The following TP63 variants were observed in gnomAD, a reference collection of about 807,000 sequenced individuals.
TP63 encodes tumor protein 63.
TP63 carries 17 observed loss-of-function variants against 82.8 expected under a neutral mutation model. The observed-to-expected ratio is 0.21, with a 90% confidence interval of 0.14 to 0.31. The LOEUF (loss-of-function observed/expected upper bound fraction) is 0.31, where lower values mean the gene tolerates loss of function less well. Among genes scored for constraint, TP63 ranks in the 10% least tolerant of loss-of-function variants. The pLI, the probability that TP63 is intolerant of heterozygous loss-of-function variation, is 1.00. For synonymous variants in TP63, 330 were observed against 321.7 expected, an observed-to-expected ratio of 1.03 and a Z score of -0.28; for missense variants, 648 against 895.3, an observed-to-expected ratio of 0.72 and a Z score of 3.52.
intron 3 of TP63, among the ~76,000 whole-genome samples, chr3:189,761,286 C>G (rs1245306703): frequency 6.6e-6 from 1 of 152,120 alleles, no homozygotes; most frequent in Non-Finnish European, 1.5e-5. Flanking sequence ...TGTGCTGTTT[C>G]CCTTTTGAAA....
At chr3:189,870,922 G>C (rs1718345615) in intron 9 of TP63, among the ~76,000 whole-genome samples, 1 of 152,076 alleles carries the variant, frequency 6.6e-6, no homozygotes, top group South Asian at 2.1e-4. Context: ...CATCTTCTTT[G>C]GGTCCTGACT....
intron 11 of TP63, among the ~76,000 whole-genome samples, chr3:189,888,058 A>G (rs571590582): frequency 6.6e-6 from 1 of 151,834 alleles, no homozygotes; most frequent in African/African-American, 2.4e-5. Flanking sequence ...GGTTTTCACC[A>G]TGTTGGCCAG....
At chr3:189,873,167 C>A in intron 10 of TP63, 172 bp downstream of exon 10, 1 of 867,666 alleles carries the variant, frequency 1.2e-6, no homozygotes, top group Non-Finnish European at 1.9e-6. Flanking sequence ...TTTTACGTGT[C>A]TTATTATAAC....
intron 1 of TP63, 33 bp downstream of exon 1, chr3:189,631,610 A>C: frequency 6.2e-7 from 1 of 1,612,288 alleles, no homozygotes; most frequent in Non-Finnish European, 8.5e-7. Flanking sequence ...TTCTCTCAAA[A>C]CTTAATTGAA....
chr3:189,762,940 A>T (rs1577367864), intron 3 of TP63, among the ~76,000 whole-genome samples: 2 of 152,336 alleles, frequency 1.3e-5, no homozygotes, highest in South Asian at 4.1e-4. Flanking sequence ...ATAAATGGGC[A>T]TCCATCATTG....
intron 1 of TP63, among the ~76,000 whole-genome samples, chr3:189,734,171 C>CTTTT (rs57302272): frequency 1.2e-5 from 1 of 84,642 alleles, no homozygotes; most frequent in Non-Finnish European, 2.4e-5. Flanking sequence ...TCCCTCCCTT[C>CTTTT]TTTTTTTTTT....
Position 189,831,818 on chromosome 3 carries a change from C to CTT in TP63, c.579+23320_579+23321dup, listed in dbSNP as rs1156431272. ...GATGTGCCATGAAAGCTATTATGCT[C>CTT]TTTTTTTTTTTTTTTTTTTTTTTTT... On this transcript the variant is annotated intron_variant, in intron 4 of 13. Coordinates refer to ENST00000264731, the MANE Select transcript of TP63 (RefSeq NM_003722.5). Among the ~76,000 whole-genome samples, 136 of 73,202 alleles carry CTT rather than the reference C, an allele frequency of 1.9e-3. 13 individuals are homozygous for CTT. Among genetic ancestry groups the CTT allele is most frequent in the African/African-American group, 2.7e-3 (42 of 15,744 alleles). 48.0% of individuals were successfully genotyped at this position (73,202 alleles called of 152,430 possible).
At chr3:189,647,137 T>C (rs762823235) in intron 1 of TP63, among the ~76,000 whole-genome samples, 2 of 146,878 alleles carry the variant, frequency 1.4e-5, no homozygotes, top group African/African-American at 5.1e-5. Context: ...CCTTAACAAA[T>C]AGACATCAGT....
rs557685705 is a variant in TP63, at chr3:189,731,068, C to T, written c.63-6672C>T. Among the ~76,000 whole-genome samples, 6 of 152,298 alleles carry T rather than the reference C, an allele frequency of 3.9e-5. No homozygotes were observed. In the East Asian group the frequency reaches 5.8e-4, roughly 15 times the overall value. Reference sequence around the variant, plus strand: ...CTATAGATAAAGACTTAGCACCAGGCGCTCTGGCTCACGCCTGTAATCCCA... The same window carrying T: ...CTATAGATAAAGACTTAGCACCAGGTGCTCTGGCTCACGCCTGTAATCCCA... On this transcript the variant is annotated intron_variant, in intron 1 of 13. Coordinates refer to ENST00000264731, the MANE Select transcript of TP63 (RefSeq NM_003722.5).
intron 13 of TP63, among the ~76,000 whole-genome samples, chr3:189,892,593 C>T (rs1338220233): frequency 6.6e-6 from 1 of 152,012 alleles, no homozygotes; most frequent in Non-Finnish European, 1.5e-5. Context: ...GAGACCGAGA[C>T]CATCCTGGCT....
At position 189,864,345 on chromosome 3, in the gene TP63, C is replaced by CA. The variant is rs1560274255; in HGVS notation, c.699dup (p.Ala234SerfsTer2). ...CTGTTATCCGCGCCATGCCTGTCTACAAAAAAGCTGAGCACGTCACGGAGG... is the reference window on the plus strand; with the variant it reads ...CTGTTATCCGCGCCATGCCTGTCTACAAAAAAAGCTGAGCACGTCACGGAGG... On this transcript the variant is annotated frameshift_variant, in exon 5 of 14. Coordinates refer to ENST00000264731, the MANE Select transcript of TP63 (RefSeq NM_003722.5). LOFTEE classifies it high-confidence loss of function. 1 of 1,613,950 alleles carries CA rather than the reference C, an allele frequency of 6.2e-7. No individual in the cohort carries two copies. Among genetic ancestry groups the CA allele is most frequent in the Non-Finnish European group, 8.5e-7 (1 of 1,180,012 alleles).
chr3:189,668,658 G>T (rs1050391838), intron 1 of TP63, among the ~76,000 whole-genome samples: 2 of 152,074 alleles, frequency 1.3e-5, no homozygotes, highest in Non-Finnish European at 2.9e-5. Flanking sequence ...AAGGATCTTA[G>T]CAAATGTTTA....
intron 1 of TP63, among the ~76,000 whole-genome samples, chr3:189,728,941 G>T (rs1240321966): frequency 6.6e-6 from 1 of 152,126 alleles, no homozygotes; most frequent in Non-Finnish European, 1.5e-5. Flanking sequence ...ATATCAGCTA[G>T]CTAAACAATT....
chr3:189,753,347 G>A (rs1467531078), intron 3 of TP63, among the ~76,000 whole-genome samples: 2 of 151,988 alleles, frequency 1.3e-5, no homozygotes, highest in African/African-American at 2.4e-5. Context: ...TCATATTTAA[G>A]ATTGTTAAGA....
At chr3:189,597,291 A>G in the TP63 span, among the ~76,000 whole-genome samples, 1 of 152,228 alleles carries the variant, frequency 6.6e-6, no homozygotes, top group African/African-American at 2.4e-5. Context: ...CTAAAGGACC[A>G]TGCATTAAGA....
At chr3:189,892,791 C>CA (rs747676252) in intron 13 of TP63, among the ~76,000 whole-genome samples, 6 of 151,980 alleles carry the variant, frequency 3.9e-5, no homozygotes, top group East Asian at 3.9e-4. Context: ...GACTCCGTCT[C>CA]AAAAAATAAT....
chr3:189,808,577 C>T, intron 4 of TP63, 51 bp downstream of exon 4: 1 of 1,608,802 alleles, frequency 6.2e-7, no homozygotes, highest in Non-Finnish European at 8.5e-7. Context: ...CAAGGATGGG[C>T]TTCACCACGT....
chr3:189,656,965 A>G (rs1048853348), intron 1 of TP63, among the ~76,000 whole-genome samples: 1 of 146,152 alleles, frequency 6.8e-6, no homozygotes, highest in African/African-American at 2.5e-5. Flanking sequence ...AGTGCATCCC[A>G]TTCATACAAT....
At position 189,644,827 on chromosome 3, in the gene TP63, A is replaced by G. The variant is rs562767235; in HGVS notation, c.62+13250A>G. 1.4e-4 allele frequency among the ~76,000 whole-genome samples: 22 copies of G among 152,142 alleles called. No individual in the cohort carries two copies. The East Asian group carries it at 4.2e-3, about 29-fold the overall frequency. ...ATTTCTCTTAAAATAATGGTCTCCAATTCTACCCAGGTTGCTGCAAATGCC... is the reference window on the plus strand; with the variant it reads ...ATTTCTCTTAAAATAATGGTCTCCAGTTCTACCCAGGTTGCTGCAAATGCC... On this transcript the variant is annotated intron_variant, in intron 1 of 13. Coordinates refer to ENST00000264731, the MANE Select transcript of TP63 (RefSeq NM_003722.5).
Sources: allele counts gnomAD v4.1 joint callset (sites outside exome capture counted in the v4.1 genomes callset), GRCh38; gene constraint gnomAD v4.1.1; transcripts MANE v1.5; gene names NCBI Gene and HGNC (gene_info 2026-07-23, HGNC 2026-07-21).